RABGEF1: variants seen among roughly 807,000 people sequenced by gnomAD.
RABGEF1 encodes the protein rab5 GDP/GTP exchange factor.
Under a neutral mutation model 57.3 loss-of-function variants are expected in RABGEF1, and 26 were observed. The observed-to-expected ratio is 0.45, with a 90% confidence interval of 0.33 to 0.63. The LOEUF (loss-of-function observed/expected upper bound fraction) is 0.63, where lower values mean the gene tolerates loss of function less well. RABGEF1 is among the 20% of genes least tolerant of loss of function. The pLI, the probability that RABGEF1 is intolerant of heterozygous loss-of-function variation, is 0.02. For synonymous variants in RABGEF1, 185 were observed against 210.7 expected, an observed-to-expected ratio of 0.88 and a Z score of 1.06; for missense variants, 464 against 607.6, an observed-to-expected ratio of 0.76 and a Z score of 2.48.
At position 66,782,414 on chromosome 7, in the gene RABGEF1, A is replaced by G. The variant is rs1810140243; in HGVS notation, c.347-1261A>G. Reference sequence around the variant, plus strand: ...CTGAGTTATAAACACATATATTCTTATCCCACTACCCCCTATTTTACATAA... The same window carrying G: ...CTGAGTTATAAACACATATATTCTTGTCCCACTACCCCCTATTTTACATAA... On this transcript the variant is annotated intron_variant, in intron 3 of 8. Coordinates refer to ENST00000284957, the MANE Select transcript of RABGEF1 (RefSeq NM_014504.3). Among the ~76,000 whole-genome samples the G allele has an allele frequency of 2.0e-5, 3 of 148,842 alleles. No individual in the cohort carries two copies. The South Asian group carries it at 6.3e-4, about 31-fold the overall frequency.
chr7:66,657,400 A>G, the RABGEF1 span, among the ~76,000 whole-genome samples: 1 of 152,264 alleles, frequency 6.6e-6, no homozygotes, highest in East Asian at 1.9e-4. Context: ...CTGGTTGGAG[A>G]TGAAATCATA....
chr7:66,675,158 G>T, the RABGEF1 span, among the ~76,000 whole-genome samples: 1 of 152,024 alleles, frequency 6.6e-6, no homozygotes, highest in African/African-American at 2.4e-5. Context: ...CAATTTTACA[G>T]ACAGGGAAAT....
intron 4 of RABGEF1, among the ~76,000 whole-genome samples, chr7:66,791,882 GGAGGATGGATCAC>G (rs1243402862): frequency 6.6e-6 from 1 of 152,190 alleles, no homozygotes; most frequent in Non-Finnish European, 1.5e-5. Flanking sequence ...AGGAGGCCGA[GGAGGATGGATCAC>G]GAGGTCAGGA....
At chr7:66,748,984 G>T in intron 1 of RABGEF1, 1 of 192,634 alleles carries the variant, frequency 5.2e-6, no homozygotes, top group South Asian at 9.2e-5. Context: ...TGGGTTCCCT[G>T]AGGCTCTTGG....
chr7:66,795,637 T>A lies in RABGEF1; in HGVS notation c.595+45T>A, dbSNP rs758211772. 3 of 1,494,546 alleles carry A rather than the reference T, an allele frequency of 2.0e-6. No homozygotes were observed. In the East Asian group the frequency reaches 6.8e-5, roughly 34 times the overall value. The allele number at this position is 1,494,546 out of a possible 1,614,324, so 92.6% of individuals were successfully genotyped here. On this transcript the variant is annotated intron_variant, in intron 5 of 8. Coordinates refer to ENST00000284957, the MANE Select transcript of RABGEF1 (RefSeq NM_014504.3). ...AGAGATTGCGGGTATTGCACAGGGATGACTGCTCAGTCTCTTAGCAATTTC... is the reference window on the plus strand; with the variant it reads ...AGAGATTGCGGGTATTGCACAGGGAAGACTGCTCAGTCTCTTAGCAATTTC...
At chr7:66,799,823 C>T (rs753069780) in intron 7 of RABGEF1, among the ~76,000 whole-genome samples, 3 of 151,992 alleles carry the variant, frequency 2.0e-5, no homozygotes, top group Non-Finnish European at 2.9e-5. Context: ...AAGGTAATCC[C>T]CACGCTGGAG....
the RABGEF1 span, among the ~76,000 whole-genome samples, chr7:66,662,376 A>G: frequency 6.6e-6 from 1 of 152,170 alleles, no homozygotes; most frequent in Non-Finnish European, 1.5e-5. Context: ...CTGAGGTGAA[A>G]GGATCTGGGA....
intron 1 of RABGEF1, among the ~76,000 whole-genome samples, chr7:66,759,697 AG>A (rs1298312891): frequency 6.6e-6 from 1 of 152,182 alleles, no homozygotes; most frequent in African/African-American, 2.4e-5. Flanking sequence ...GCAAGAGAGA[AG>A]GTGCTATACA....
intron 3 of RABGEF1, among the ~76,000 whole-genome samples, chr7:66,779,614 A>C (rs1365127695): frequency 2.7e-5 from 4 of 150,900 alleles, no homozygotes; most frequent in African/African-American, 7.3e-5. Flanking sequence ...TGAGGCTGCA[A>C]TGTGCTGTGA....
At chr7:66,699,745 C>T (rs1005230575) in intron 1 of RABGEF1, among the ~76,000 whole-genome samples, 2 of 151,736 alleles carry the variant, frequency 1.3e-5, no homozygotes, top group Non-Finnish European at 2.9e-5. Flanking sequence ...CCCAGCTACT[C>T]GGGAGGCTGA....
chr7:66,663,820 T>C, the RABGEF1 span, among the ~76,000 whole-genome samples: 2 of 152,158 alleles, frequency 1.3e-5, no homozygotes, highest in Non-Finnish European at 2.9e-5. Flanking sequence ...ACGCCTGTAA[T>C]CCCAGCACTT....
At chr7:66,677,428 AACAAG>A (rs571578665), upstream of RABGEF1, among the ~76,000 whole-genome samples, 41 of 152,226 alleles carry the variant, frequency 2.7e-4, no homozygotes, top group Admixed American at 1.3e-3. Context: ...AGAAATCAGA[AACAAG>A]ACAAGTACCA....
chr7:66,781,391 T>C (rs893467172), intron 3 of RABGEF1, among the ~76,000 whole-genome samples: 26 of 152,362 alleles, frequency 1.7e-4, no homozygotes, highest in African/African-American at 6.0e-4. Flanking sequence ...TACTTTAAGT[T>C]CTGGGTTACA....
Position 66,799,375 on chromosome 7 carries a change from A to T in RABGEF1, c.781A>T (p.Ile261Phe), listed in dbSNP as rs765281564. 30 of 1,612,740 alleles carry T rather than the reference A, an allele frequency of 1.9e-5. No individual in the cohort carries two copies. Among genetic ancestry groups the T allele is most frequent in the Non-Finnish European group, 2.5e-5 (29 of 1,178,702 alleles). Residue 261 changes from isoleucine to phenylalanine, a missense_variant, in exon 7 of 9, where the codon ATC becomes TTC. By Grantham distance (21) the Ile-to-Phe change is conservative (BLOSUM62 0). This residue lies in a region of RABGEF1 where 284 missense variants were observed against 389.9 expected (regional missense o/e 0.73). Transcript: ENST00000284957. ...QMLCVPVNED[I>F]PEVSDMVVKA... ...GCTGTGTGTCCCTGTTAATGAAGAC[A>T]TCCCAGAAGTGTCTGATATGGTGGT...
At chr7:66,729,382 CTT>C (rs931310695) in intron 2 of RABGEF1, among the ~76,000 whole-genome samples, 2 of 100 alleles carry the variant, frequency 0.02, no homozygotes, top group Admixed American at 0.062. Context: ...TTCTCACTCT[CTT>C]CTCACTCACT....
At chr7:66,802,212 T>C (rs775798105) in intron 7 of RABGEF1, among the ~76,000 whole-genome samples, 4 of 152,202 alleles carry the variant, frequency 2.6e-5, no homozygotes, top group Non-Finnish European at 5.9e-5. Context: ...TTTTTAAATG[T>C]CACAGCTGTG....
At chr7:66,775,199 G>A (rs777961590) in intron 2 of RABGEF1, 28 bp from the exon 3 acceptor site, 8 of 1,590,894 alleles carry the variant, frequency 5.0e-6, no homozygotes, top group Non-Finnish European at 4.3e-6. Flanking sequence ...GAATATCTAG[G>A]TCATTCTAAT....
At chr7:66,735,906 C>T (rs984326544), upstream of RABGEF1, among the ~76,000 whole-genome samples, 4 of 152,176 alleles carry the variant, frequency 2.6e-5, no homozygotes, top group African/African-American at 9.7e-5. Flanking sequence ...TGTAGTATCT[C>T]CCTCACACAT....
In RABGEF1 at chr7:66,696,701, A is replaced by G. The variant is rs1388922434; in HGVS notation, c.-873+14443A>G. Reference sequence around the variant, plus strand: ...CGAGACTCCGTCTCAAAAAAAAAAAAAAAAAAAAAAAGAAAAATGGAGCGT... The same window carrying G: ...CGAGACTCCGTCTCAAAAAAAAAAAGAAAAAAAAAAAGAAAAATGGAGCGT... On this transcript the variant is annotated intron_variant and NMD_transcript_variant, in intron 1 of 9. Transcript: ENST00000607882. 5.7e-5 allele frequency among the ~76,000 whole-genome samples: 7 copies of G among 122,416 alleles called. No homozygotes were observed. The East Asian group carries it at 1.6e-3, about 28-fold the overall frequency. 80.3% of individuals were successfully genotyped at this position (122,416 alleles called of 152,430 possible). A position where few individuals can be genotyped will look rare whatever the true frequency, so the allele number is the denominator to read the frequency against.
Sources: allele counts gnomAD v4.1 joint callset (sites outside exome capture counted in the v4.1 genomes callset), GRCh38; gene constraint gnomAD v4.1.1; regional missense constraint gnomAD v4.1.1; transcripts MANE v1.5; gene names NCBI Gene and HGNC (gene_info 2026-07-23, HGNC 2026-07-21).